TIPIN: variants seen among roughly 807,000 people sequenced by gnomAD.
TIPIN encodes the protein TIMELESS-interacting protein.
In TIPIN, 29 loss-of-function variants were observed where a neutral mutation model predicts 35.6. The ratio of observed to expected loss-of-function variants is 0.82; its 90% CI spans 0.61 to 1.11. The LOEUF is 1.11. Ranked by LOEUF, TIPIN falls within the 50% of genes most tolerant of loss-of-function variation. TIPIN has a pLI of 0.00. For missense variants in TIPIN, 296 were observed against 345.4 expected, an observed-to-expected ratio of 0.86 and a Z score of 1.13; for synonymous variants, 102 against 121.5, an observed-to-expected ratio of 0.84 and a Z score of 1.06.
upstream of TIPIN, among the ~76,000 whole-genome samples, chr15:66,361,270 T>TG (rs1467073521): frequency 6.6e-6 from 1 of 151,494 alleles, no homozygotes; most frequent in Non-Finnish European, 1.5e-5. Flanking sequence ...TTTTTTTTTT[T>TG]TTTGAGATGG....
chr15:66,371,484 G>T, intron 1 of TIPIN: 25 of 604,406 alleles, frequency 4.1e-5, no homozygotes, highest in Non-Finnish European at 5.2e-5. Context: ...TTTTCCATGA[G>T]TTTATTTATT....
chr15:66,351,384 G>T, intron 4 of TIPIN, 141 bp downstream of exon 4: 1 of 693,210 alleles, frequency 1.4e-6, no homozygotes, highest in Non-Finnish European at 2.5e-6. Context: ...TCCCTTTCTA[G>T]TACATCACAA....
At position 66,341,192 on chromosome 15, in the gene TIPIN, T is replaced by G; in HGVS notation, c.640A>C (p.Arg214=). Residue 214 remains arginine, a synonymous_variant, in exon 7 of 8, where the codon AGG becomes CGG. Coordinates refer to ENST00000261881, the MANE Select transcript of TIPIN (RefSeq NM_017858.3). ...ERNKQLALER[R]QAKLLSNSQT... is the part of the protein sequence containing the mutation. ...CTATTACTCAGCAGCTTTGCCTGCC[T>G]TCTTTCCAAGGCCAGTTGTTTATTT... 1.9e-6 allele frequency: 3 copies of G among 1,612,404 alleles called. No individual in the cohort carries two copies. The highest frequency in any genetic ancestry group is 2.5e-6 in the Non-Finnish European group (3 of 1,179,972).
chr15:66,380,613 G>A (rs1160746451), intron 1 of TIPIN, among the ~76,000 whole-genome samples: 2 of 151,478 alleles, frequency 1.3e-5, no homozygotes, highest in Non-Finnish European at 2.9e-5. Context: ...TCAGGAGTTA[G>A]AGACCAGCCT....
upstream of TIPIN, among the ~76,000 whole-genome samples, chr15:66,356,971 C>G (rs1158781315): frequency 6.6e-6 from 1 of 151,842 alleles, no homozygotes; most frequent in Non-Finnish European, 1.5e-5. Context: ...GGCTGGAGAG[C>G]AGTGATTCGA....
chr15:66,379,291 G>T, intron 1 of TIPIN: 2 of 1,551,872 alleles, frequency 1.3e-6, no homozygotes, highest in East Asian at 2.3e-5. Context: ...GTAGGTCTTA[G>T]GAGTCATCTG....
chr15:66,376,453 G>A (rs965806456), intron 1 of TIPIN, among the ~76,000 whole-genome samples: 8 of 151,120 alleles, frequency 5.3e-5, no homozygotes, highest in Admixed American at 3.3e-4. Flanking sequence ...TTTTTGAGAC[G>A]GGGTTTTGCT....
chr15:66,386,206 C>A (rs1385581849), intron 1 of TIPIN, among the ~76,000 whole-genome samples: 1 of 149,788 alleles, frequency 6.7e-6, no homozygotes, highest in East Asian at 1.9e-4. Context: ...GCAGGAGAAT[C>A]GCTTGAACGT....
At chr15:66,361,132 C>CAA (rs879611205), upstream of TIPIN, among the ~76,000 whole-genome samples, 6 of 110,274 alleles carry the variant, frequency 5.4e-5, no homozygotes, top group Non-Finnish European at 1.1e-4. Flanking sequence ...GACTTTGTCT[C>CAA]AAAAAAAAAA....
In TIPIN at chr15:66,373,471, C is replaced by G. The variant is rs533015533; in HGVS notation, c.-9+13136G>C. ...TCGCACCACTGCACTCCAGCCTGGGCGACAGAGCGAGACTCCGTCTCAAAA... is the reference window on the plus strand; with the variant it reads ...TCGCACCACTGCACTCCAGCCTGGGGGACAGAGCGAGACTCCGTCTCAAAA... On this transcript the variant is annotated intron_variant, in intron 1 of 7. Transcript: ENST00000562124. Among the ~76,000 whole-genome samples, 3 of 143,192 alleles carry G rather than the reference C, an allele frequency of 2.1e-5. No homozygotes were observed. In the East Asian group the frequency reaches 6.1e-4, roughly 29 times the overall value. The allele number at this position is 143,192 out of a possible 152,430, so 93.9% of individuals were successfully genotyped here.
rs1480759067 is a variant in TIPIN, at chr15:66,352,056, T to A, written c.212+73A>T. Reference sequence around the variant, plus strand: ...GCTCCACATCATACCAACCAAAAGTTTATAACATTAGAAGAAAAACAATGG... The same window carrying A: ...GCTCCACATCATACCAACCAAAAGTATATAACATTAGAAGAAAAACAATGG... On this transcript the variant is annotated intron_variant, in intron 3 of 7. Transcript: ENST00000261881. 9.2e-6 allele frequency: 12 copies of A among 1,299,680 alleles called. No homozygotes were observed. The Admixed American group carries it at 3.1e-4, about 33-fold the overall frequency. The allele number at this position is 1,299,680 out of a possible 1,614,324, so 80.5% of individuals were successfully genotyped here. A position where few individuals can be genotyped will look rare whatever the true frequency, so the allele number is the denominator to read the frequency against.
At chr15:66,367,192 A>ATATCTG (rs1282263430) in intron 1 of TIPIN, among the ~76,000 whole-genome samples, 1 of 106,492 alleles carries the variant, frequency 9.4e-6, no homozygotes, top group Admixed American at 8.8e-5. Context: ...AAAAAAATCT[A>ATATCTG]TATCTATATC....
chr15:66,370,864 T>A (rs546157405), intron 1 of TIPIN, among the ~76,000 whole-genome samples: 1 of 152,176 alleles, frequency 6.6e-6, no homozygotes, highest in East Asian at 1.9e-4. Context: ...ACTGATAATA[T>A]CATAAACCTC....
chr15:66,346,419 C>T (rs2093126242), intron 6 of TIPIN, among the ~76,000 whole-genome samples: 1 of 151,956 alleles, frequency 6.6e-6, no homozygotes, highest in Non-Finnish European at 1.5e-5. Context: ...TTCTTCCTCT[C>T]ACCCCCAAAT....
chr15:66,345,429 G>A lies in TIPIN; in HGVS notation c.475+3631C>T, dbSNP rs1042575527. On this transcript the variant is annotated intron_variant, in intron 6 of 7. Transcript: ENST00000261881. ...TCACTACAAAAACTAAATTTAGGCC[G>A]GGCACAGTGGCTCACTGGCTCACGC... Among the ~76,000 whole-genome samples, 3 of 151,994 alleles carry A rather than the reference G, an allele frequency of 2.0e-5. 1 individual carries two copies. The highest frequency in any genetic ancestry group is 6.6e-5 in the Admixed American group (1 of 15,234).
rs117916492 is a variant in TIPIN at position 66,372,619 on chromosome 15, A to G, written c.-9+13988T>C. On this transcript the variant is annotated intron_variant, in intron 1 of 7. Coordinates refer to the TIPIN transcript ENST00000562124. ...GATGATGGTCCCATAAGAGTACAAT[A>G]ATAGGGCCGGGACCTGTGGCTCACG... 6.1e-4 allele frequency among the ~76,000 whole-genome samples: 93 copies of G among 152,294 alleles called. No homozygotes were observed. The East Asian group carries it at 0.018, about 29-fold the overall frequency.
At chr15:66,339,081 A>C (rs2093066283) in intron 7 of TIPIN, among the ~76,000 whole-genome samples, 1 of 137,500 alleles carries the variant, frequency 7.3e-6, no homozygotes, top group African/African-American at 2.6e-5. Context: ...GCAGTGAGCC[A>C]AGATCACGCC....
intron 1 of TIPIN, among the ~76,000 whole-genome samples, chr15:66,373,857 T>G (rs1198857255): frequency 6.6e-6 from 1 of 151,862 alleles, no homozygotes; most frequent in Admixed American, 6.6e-5. Flanking sequence ...CATGTACCAT[T>G]ACACCTGGCT....
At chr15:66,338,010 C>CT in intron 7 of TIPIN, among the ~76,000 whole-genome samples, 1 of 152,144 alleles carries the variant, frequency 6.6e-6, no homozygotes. Flanking sequence ...AATCTCAGCA[C>CT]TTTGGGAGGC....
Sources: allele counts gnomAD v4.1 joint callset (sites outside exome capture counted in the v4.1 genomes callset), GRCh38; gene constraint gnomAD v4.1.1; transcripts MANE v1.5; gene names NCBI Gene and HGNC (gene_info 2026-07-23, HGNC 2026-07-21).